ZP2: variants seen among roughly 807,000 people sequenced by gnomAD.
The protein encoded by ZP2 is zona pellucida glycoprotein 2.
A neutral mutation model predicts 84.0 loss-of-function variants in ZP2; 51 were observed. That is an observed-to-expected ratio of 0.61 (90% CI 0.49 to 0.77). ZP2 has a LOEUF of 0.77. ZP2 is among the 30% of genes least tolerant of loss of function. The pLI is 0.00. For synonymous variants in ZP2, 375 were observed against 330.9 expected (o/e 1.13, Z -1.45); for missense variants, 909 against 911.9 (o/e 1.00, Z 0.04).
At chr16:21,202,987 T>C (rs1597585571) in intron 10 of ZP2, 138 bp downstream of exon 10, 1 of 1,050,230 alleles carries the variant, frequency 9.5e-7, no homozygotes, top group East Asian at 2.7e-5. Flanking sequence ...GCAGCTACAC[T>C]GTTTCTAATC....
rs376880629 is a variant in ZP2, at chr16:21,201,893, A to T, written c.1379+39T>A. On this transcript the variant is annotated intron_variant, in intron 12 of 18. Coordinates refer to ENST00000574091, the MANE Select transcript of ZP2 (RefSeq NM_001376232.1). ...TCAGGTTAAAAAATTGCTTGAGTTT[A>T]AACTAGAGCTTAAGAGTCAAATAGC... 77 of 1,613,038 alleles carry T rather than the reference A, an allele frequency of 4.8e-5. No individual in the cohort carries two copies. In the African/African-American group the frequency reaches 9.5e-4, roughly 20 times the overall value.
chr16:21,198,790 G>T lies in ZP2; in HGVS notation c.2000C>A (p.Ser667Tyr), dbSNP rs139759688. The change falls in exon 17 of 19, where the codon TCC becomes TAC. Residue 667 changes from serine to tyrosine, a missense_variant. By Grantham distance (144) the Ser-to-Tyr change is moderately radical. Transcript: ENST00000574091. ...CTTTAGGTCCATACCTCTGAATGAG[G>T]AGTCATCTGACAACAGGAGAATGGG... ...PGPILLLSDD[S>Y]SFRGVGSSDL... 4 of 1,613,870 alleles carry T rather than the reference G, an allele frequency of 2.5e-6. No individual in the cohort carries two copies. The African/African-American group carries it at 5.3e-5, about 22-fold the overall frequency.
Position 21,201,928 on chromosome 16 carries a change from T to G in ZP2, c.1379+4A>C. Reference sequence around the variant, plus strand: ...TTAAGAGTCAAATAGCAATTTTATCTCACCTGAACTCACTGTCTCTAGATA... The same window carrying G: ...TTAAGAGTCAAATAGCAATTTTATCGCACCTGAACTCACTGTCTCTAGATA... On this transcript the variant is annotated splice_donor_region_variant and intron_variant, in intron 12 of 18. Coordinates refer to ENST00000574091, the MANE Select transcript of ZP2 (RefSeq NM_001376232.1). 2 of 1,613,148 alleles carry G rather than the reference T, an allele frequency of 1.2e-6. No homozygotes were observed. The highest frequency in any genetic ancestry group is 1.7e-6 in the Non-Finnish European group (2 of 1,179,204).
intron 16 of ZP2, among the ~76,000 whole-genome samples, chr16:21,199,193 G>A (rs1187530516): frequency 6.7e-6 from 1 of 150,116 alleles, no homozygotes; most frequent in Non-Finnish European, 1.5e-5. Flanking sequence ...TGTTGGGGGG[G>A]TTCCTATAAT....
In ZP2 at chr16:21,201,446, C is replaced by T. The variant is rs749897462; in HGVS notation, c.1617G>A (p.Lys539=). The T allele has an allele frequency of 1.9e-6, 3 of 1,613,404 alleles. No homozygotes were observed. The highest frequency in any genetic ancestry group is 2.5e-6 in the Non-Finnish European group (3 of 1,179,740). Residue 539 remains lysine (K), a synonymous_variant, in exon 14 of 19, where the codon AAG becomes AAA. Coordinates refer to ENST00000574091, the MANE Select transcript of ZP2 (RefSeq NM_001376232.1). ...RVLNRDDPNI[K]LVLDDCWATS... ...TCGCCCAGCAGTCATCTAAGACCAG[C>T]TTGATGTTGGGGTCATCCCTGTTTA... is the stretch of plus-strand genomic sequence containing the variant.
At position 21,199,617 on chromosome 16, in the gene ZP2, G is replaced by T. The variant is rs376154774; in HGVS notation, c.1880C>A (p.Ser627Tyr). 131 of 1,613,674 alleles carry T rather than the reference G, an allele frequency of 8.1e-5. No homozygotes were observed. Among genetic ancestry groups the T allele is most frequent in the Non-Finnish European group, 1.1e-4 (128 of 1,179,916 alleles). ...AGGGCAGGTCACAGAACACAGTGGGGAGTCAGGGGAGAGTCGATTACAGAT... is the reference window on the plus strand; with the variant it reads ...AGGGCAGGTCACAGAACACAGTGGGTAGTCAGGGGAGAGTCGATTACAGAT... ...ALICNRLSPD[S>Y]PLCSVTCPVS... Residue 627 changes from serine to tyrosine, a missense_variant, in exon 16 of 19, where the codon TCC (serine) becomes TAC (tyrosine). Transcript: ENST00000574091.
At chr16:21,212,979 G>C, upstream of ZP2, among the ~76,000 whole-genome samples, 1 of 152,208 alleles carries the variant, frequency 6.6e-6, no homozygotes, top group East Asian at 1.9e-4. Context: ...CCATTCAAGT[G>C]GTGGGTGACA....
At chr16:21,197,896 T>C in intron 17 of ZP2, 47 bp from the exon 18 acceptor site, 2 of 1,571,786 alleles carry the variant, frequency 1.3e-6, no homozygotes, top group Non-Finnish European at 1.8e-6. Flanking sequence ...TGCTAGTCGA[T>C]GTGGTTAGCT....
intron 4 of ZP2, among the ~76,000 whole-genome samples, chr16:21,208,291 C>G (rs1165206791): frequency 6.6e-6 from 1 of 152,112 alleles, no homozygotes; most frequent in Non-Finnish European, 1.5e-5. Flanking sequence ...GAATGCGACT[C>G]CAAGACCTCT....
At position 21,199,599 on chromosome 16, in the gene ZP2, G is replaced by C. The variant is rs371254101; in HGVS notation, c.1898C>G (p.Thr633Ser). The change falls in exon 16 of 19, where the codon ACC becomes AGC. Residue 633 changes from threonine (T) to serine (S), a missense_variant. Thr to Ser is a moderately conservative substitution (Grantham distance 58). Transcript: ENST00000574091. ...LSPDSPLCSV[T>S]CPVSSRHRRA... ...CCTGTGCCTAGAGGACACAGGGCAG[G>C]TCACAGAACACAGTGGGGAGTCAGG... The C allele has an allele frequency of 6.2e-6, 10 of 1,613,268 alleles. No individual in the cohort carries two copies. The highest frequency in any genetic ancestry group is 5.3e-5 in the African/African-American group (4 of 74,916).
intron 14 of ZP2, among the ~76,000 whole-genome samples, chr16:21,200,495 T>C (rs968632301): frequency 1.3e-5 from 2 of 152,128 alleles, no homozygotes; most frequent in Non-Finnish European, 2.9e-5. Context: ...AAAGCAAAGG[T>C]GCAGTTTTAG....
intron 4 of ZP2, among the ~76,000 whole-genome samples, chr16:21,208,528 C>T (rs1199945283): frequency 6.6e-6 from 1 of 152,194 alleles, no homozygotes; most frequent in African/African-American, 2.4e-5. Flanking sequence ...TCCCAGAACT[C>T]ACCCCAGGCC....
Position 21,205,527 on chromosome 16 carries a change from T to G in ZP2, c.586A>C (p.Thr196Pro), listed in dbSNP as rs1160949129. 6.2e-7 allele frequency: 1 copy of G among 1,613,774 alleles called. No individual in the cohort carries two copies. The highest frequency in any genetic ancestry group is 8.5e-7 in the Non-Finnish European group (1 of 1,179,924). ...TTCATGGCCTCTGGCAGGGTCAGAG[T>G]TTTGGCTCTTGCACCATCACCAACC... The part of the protein sequence containing the change: ...IEVGDGARAK[T>P]LTLPEAMKEG... The change falls in exon 7 of 19, where the codon ACT (threonine) becomes CCT (proline). Residue 196 changes from threonine (T) to proline (P), a missense_variant. Physicochemically the swap from Thr to Pro is conservative, Grantham distance 38 (BLOSUM62 -1). Coordinates refer to ENST00000574091, the MANE Select transcript of ZP2 (RefSeq NM_001376232.1).
At chr16:21,210,441 A>G (rs552645411) in intron 2 of ZP2, among the ~76,000 whole-genome samples, 8 of 152,280 alleles carry the variant, frequency 5.3e-5, no homozygotes, top group African/African-American at 1.7e-4. Context: ...GTTGACAAGC[A>G]GGTCTGTAGG....
intron 4 of ZP2, 122 bp from the exon 5 acceptor site, chr16:21,207,112 G>T: frequency 2.6e-6 from 3 of 1,169,614 alleles, no homozygotes; most frequent in Non-Finnish European, 3.7e-6. Context: ...AGTGCTGGAA[G>T]GTACCTCATT....
At chr16:21,198,969 T>A in intron 16 of ZP2, 107 bp from the exon 17 acceptor site, 1 of 1,029,374 alleles carries the variant, frequency 9.7e-7, no homozygotes, top group Non-Finnish European at 1.5e-6. Context: ...TTTGTTCATG[T>A]GGTTTGTCTT....
Position 21,204,153 on chromosome 16 carries a change from C to T in ZP2, c.849G>A (p.Lys283=). Residue 283 remains lysine (K), a synonymous_variant, in exon 9 of 19, where the codon AAG becomes AAA. Transcript: ENST00000574091. ...GGTTTTCAAAGCTCACAGACTTAAGCTTCCCAGGAAACTCTGGTATGGTGA... is the reference window on the plus strand; with the variant it reads ...GGTTTTCAAAGCTCACAGACTTAAGTTTCCCAGGAAACTCTGGTATGGTGA... ...MTLTIPEFPG[K]LKSVSFENQN... 1.9e-6 allele frequency: 3 copies of T among 1,614,176 alleles called. No homozygotes were observed. Among genetic ancestry groups the T allele is most frequent in the Non-Finnish European group, 2.5e-6 (3 of 1,180,026 alleles).
At chr16:21,202,077 A>G in intron 11 of ZP2, 27 bp downstream of exon 11, 1 of 1,613,456 alleles carries the variant, frequency 6.2e-7, no homozygotes, top group South Asian at 1.1e-5. Context: ...GATGAGACTT[A>G]ACCTCGTGCC....
In ZP2 at chr16:21,198,840, C is replaced by T. The variant is rs2093211521; in HGVS notation, c.1950G>A (p.Glu650=). ...GTCCTGGGAGGCTGACTGTCATTTT[C>T]TCTGCTTCAGTGGCCCCTGTGGCTG... ...HRRATGATEA[E]KMTVSLPGPI... is the part of the protein sequence containing the mutation. Residue 650 remains glutamate (E), a synonymous_variant, in exon 17 of 19, where the codon GAG becomes GAA. Transcript: ENST00000574091. 6.2e-7 allele frequency: 1 copy of T among 1,613,994 alleles called. No homozygotes were observed.
Sources: allele counts gnomAD v4.1 joint callset (sites outside exome capture counted in the v4.1 genomes callset), GRCh38; gene constraint gnomAD v4.1.1; transcripts MANE v1.5; gene names NCBI Gene and HGNC (gene_info 2026-07-23, HGNC 2026-07-21).